Variants in SLCO3A1 observed in about 807,000 individuals in gnomAD.
SLCO3A1 encodes solute carrier organic anion transporter family member 3A1, also known as PGE1 transporter.
In SLCO3A1, 27 loss-of-function variants were observed where a neutral mutation model predicts 63.1. The observed-to-expected ratio is 0.43, with a 90% CI of 0.32 to 0.59. The LOEUF is 0.59. Ranked by LOEUF, SLCO3A1 falls within the 20% of genes least tolerant of loss-of-function variation. The probability of loss-of-function intolerance (pLI) is 0.09; values close to 1 mark genes in which losing one functional copy is unlikely to be tolerated. For synonymous variants in SLCO3A1, 473 were observed against 409.9 expected (o/e 1.15, Z -1.86); for missense variants, 773 against 945.8 (o/e 0.82, Z 2.40).
chr15:92,148,992 TTTATTTTTCA>T (rs1429026239), intron 8 of SLCO3A1: 1 of 152,222 alleles, frequency 6.6e-6, no homozygotes, highest in African/African-American at 2.4e-5. Context: ...TTATGAGTAG[TTTATTTTTCA>T]TTATTAGACG....
At chr15:92,014,890 C>T (rs779222590) in intron 2 of SLCO3A1, among the ~76,000 whole-genome samples, 15 of 152,014 alleles carry the variant, frequency 9.9e-5, no homozygotes, top group Non-Finnish European at 1.9e-4. Context: ...AGGATCAGGC[C>T]TGGATCTGAT....
intron 2 of SLCO3A1, among the ~76,000 whole-genome samples, chr15:92,037,189 C>T (rs1363259707): frequency 6.6e-6 from 1 of 152,164 alleles, no homozygotes; most frequent in Non-Finnish European, 1.5e-5. Context: ...TCTTTAAGAT[C>T]CACAATCATT....
intron 7 of SLCO3A1, among the ~76,000 whole-genome samples, chr15:92,136,211 A>G (rs1429206395): frequency 2.0e-5 from 3 of 152,220 alleles, no homozygotes; most frequent in South Asian, 2.1e-4. Context: ...CTACCTTTCA[A>G]GTTTCCATAG....
rs887757804 is a variant in SLCO3A1, at chr15:91,865,747, C to T, written c.180+11659C>T. Among the ~76,000 whole-genome samples the T allele has an allele frequency of 1.3e-5, 2 of 152,194 alleles. No individual in the cohort carries two copies. The highest frequency in any genetic ancestry group is 2.9e-5 in the Non-Finnish European group (2 of 68,036). ...ATTGGATTAGGGCTCACCCTAATGA[C>T]CTCATGTGACTAGCTTACATCTGCT... On this transcript the variant is annotated intron_variant, in intron 1 of 9. Coordinates refer to ENST00000318445, the MANE Select transcript of SLCO3A1 (RefSeq NM_013272.4). The surrounding 1 kb of genome is among the most constrained non-coding windows in gnomAD (Gnocchi z 4.6).
Position 91,950,910 on chromosome 15 carries a change from G to GA in SLCO3A1, c.646+34464dup, listed in dbSNP as rs376861164. On this transcript the variant is annotated intron_variant, in intron 2 of 9. Coordinates refer to ENST00000318445, the MANE Select transcript of SLCO3A1 (RefSeq NM_013272.4). The surrounding 1 kb of genome is among the most constrained non-coding windows in gnomAD (Gnocchi z 4.4). ...GCTTATATCCAATCTGAGAAAGAAA[G>GA]AAAAAAAAAAAAGTATTTCTCTGGC... Among the ~76,000 whole-genome samples the GA allele has an allele frequency of 1.9e-3, 271 of 143,812 alleles. No individual in the cohort carries two copies. The highest frequency in any genetic ancestry group is 6.1e-3 in the African/African-American group (240 of 39,226). The allele number at this position is 143,812 out of a possible 152,430, so 94.3% of individuals were successfully genotyped here.
chr15:92,129,277 T>C (rs779863595), intron 7 of SLCO3A1, among the ~76,000 whole-genome samples: 15 of 152,200 alleles, frequency 9.9e-5, no homozygotes, highest in Non-Finnish European at 2.2e-4. Flanking sequence ...TGACCCTTTC[T>C]CATGCTACTC....
chr15:92,011,938 A>T (rs971927550), intron 2 of SLCO3A1, among the ~76,000 whole-genome samples: 10 of 152,240 alleles, frequency 6.6e-5, no homozygotes, highest in African/African-American at 2.4e-4. Flanking sequence ...AGCTGTCCCC[A>T]GGGTCACAGA....
At position 92,093,783 on chromosome 15, in the gene SLCO3A1, C is replaced by T. The variant is rs1000542726; in HGVS notation, c.647-1098C>T. 1.3e-4 allele frequency among the ~76,000 whole-genome samples: 20 copies of T among 152,068 alleles called. 1 individual carries two copies. The highest frequency in any genetic ancestry group is 7.4e-5 in the Non-Finnish European group (5 of 68,002). Reference sequence around the variant, plus strand: ...GTGATTGGTTCCACAATGACATCACCGAGAGAATTTAGGGTGAGTTGGTCT... The same window carrying T: ...GTGATTGGTTCCACAATGACATCACTGAGAGAATTTAGGGTGAGTTGGTCT... On this transcript the variant is annotated intron_variant, in intron 2 of 9. Transcript: ENST00000318445.
chr15:91,854,110 G>C lies in SLCO3A1; in HGVS notation c.180+22G>C. 1 of 1,460,168 alleles carries C rather than the reference G, an allele frequency of 6.8e-7. No homozygotes were observed. The highest frequency in any genetic ancestry group is 9.1e-7 in the Non-Finnish European group (1 of 1,097,698). 90.5% of individuals were successfully genotyped at this position (1,460,168 alleles called of 1,614,324 possible). A position where few individuals can be genotyped will look rare whatever the true frequency, so the allele number is the denominator to read the frequency against. On this transcript the variant is annotated intron_variant, in intron 1 of 9. Coordinates refer to ENST00000318445, the MANE Select transcript of SLCO3A1 (RefSeq NM_013272.4). The surrounding 1 kb of genome is among the most constrained non-coding windows in gnomAD (Gnocchi z 6.4). ...CCTGGTGAGTCCCCGAGCCAACTCC[G>C]CCGCGGGCCCCTTCCCCAGCCCGGC... is the stretch of plus-strand genomic sequence containing the variant.
At position 92,000,888 on chromosome 15, in the gene SLCO3A1, G is replaced by A. The variant is rs1332135559; in HGVS notation, c.646+84430G>A. Among the ~76,000 whole-genome samples the A allele has an allele frequency of 2.0e-5, 3 of 152,188 alleles. No individual in the cohort carries two copies. In the East Asian group the frequency reaches 5.8e-4, roughly 29 times the overall value. The stretch of plus-strand genomic sequence containing the variant: ...AGCTGCTGTTGCCTTGGCAACTTGG[G>A]ATGCTCTGTCTCCTGCTGAGTCTGG... On this transcript the variant is annotated intron_variant, in intron 2 of 9. Coordinates refer to ENST00000318445, the MANE Select transcript of SLCO3A1 (RefSeq NM_013272.4).
intron 2 of SLCO3A1, among the ~76,000 whole-genome samples, chr15:92,041,020 C>T (rs2046790483): frequency 6.6e-6 from 1 of 152,126 alleles, no homozygotes. Flanking sequence ...TGACCTCAGA[C>T]TTTCTGCCTC....
chr15:91,940,405 C>T (rs1309119252), intron 2 of SLCO3A1, among the ~76,000 whole-genome samples: 1 of 152,228 alleles, frequency 6.6e-6, no homozygotes, highest in Non-Finnish European at 1.5e-5. Context: ...GATCCAGACT[C>T]AGGGACATTG....
At chr15:92,067,293 C>A (rs954111498) in intron 2 of SLCO3A1, among the ~76,000 whole-genome samples, 1 of 152,148 alleles carries the variant, frequency 6.6e-6, no homozygotes. Context: ...CCCAGTGAGG[C>A]CAAGTTCGAT....
Position 92,089,008 on chromosome 15 carries a change from A to ATTTTTTATTTAT in SLCO3A1, c.647-5871_647-5870insTTTTATTTATTT, listed in dbSNP as rs563822068. 5.5e-5 allele frequency among the ~76,000 whole-genome samples: 5 copies of ATTTTTTATTTAT among 90,582 alleles called. No homozygotes were observed. The South Asian group carries it at 9.4e-4, about 17-fold the overall frequency. 59.4% of individuals were successfully genotyped at this position (90,582 alleles called of 152,430 possible). On this transcript the variant is annotated intron_variant, in intron 2 of 9. Coordinates refer to ENST00000318445, the MANE Select transcript of SLCO3A1 (RefSeq NM_013272.4). ...TTACCCCAGCTTTATTTATTTATTT[A>ATTTTTTATTTAT]TTATTTATTTATTTATTTATTTATT...
chr15:92,039,149 C>T (rs1357697659), intron 2 of SLCO3A1, among the ~76,000 whole-genome samples: 1 of 152,096 alleles, frequency 6.6e-6, no homozygotes, highest in East Asian at 1.9e-4. Flanking sequence ...CTAGGCAATA[C>T]AATTAAGGAC....
In SLCO3A1 at chr15:92,104,547, AGGT is replaced by A; in HGVS notation, c.1009+8_1009+10del. ...CCTGTTTCCAGCAGCTGAGAGGTAA[AGGT>A]GGCCTCATCTGCCTCTGCTCAGAAC... On this transcript the variant is annotated splice_donor_region_variant and intron_variant, in intron 4 of 9. Coordinates refer to ENST00000318445, the MANE Select transcript of SLCO3A1 (RefSeq NM_013272.4). 1 of 1,611,564 alleles carries A rather than the reference AGGT, an allele frequency of 6.2e-7. No individual in the cohort carries two copies. The highest frequency in any genetic ancestry group is 8.5e-7 in the Non-Finnish European group (1 of 1,179,678).
chr15:92,148,015 G>C (rs541132133), intron 8 of SLCO3A1, among the ~76,000 whole-genome samples: 3 of 152,194 alleles, frequency 2.0e-5, no homozygotes, highest in African/African-American at 7.2e-5. Context: ...CCAGGGGTTT[G>C]AGACCAGCCT....
At chr15:91,890,680 C>G (rs55801615) in intron 1 of SLCO3A1, among the ~76,000 whole-genome samples, 28,174 of 152,140 alleles carry the variant, frequency 0.19, 2,723 homozygotes, top group East Asian at 0.33. Context: ...TCTTTTAAGG[C>G]TCTGATAAAT....
intron 2 of SLCO3A1, among the ~76,000 whole-genome samples, chr15:92,003,745 A>T (rs2046282055): frequency 6.6e-6 from 1 of 152,222 alleles, no homozygotes; most frequent in Non-Finnish European, 1.5e-5. Context: ...CATGGAATTC[A>T]TGGATACGGG....
Sources: allele counts gnomAD v4.1 joint callset (sites outside exome capture counted in the v4.1 genomes callset), GRCh38; gene constraint gnomAD v4.1.1; non-coding constraint Gnocchi (gnomAD v3.1); transcripts MANE v1.5; gene names NCBI Gene and HGNC (gene_info 2026-07-23, HGNC 2026-07-21).